ATP8A2: variants seen among roughly 807,000 people sequenced by gnomAD.
ATP8A2 encodes the protein ATPase phospholipid transporting 8A2.
In ATP8A2, 100 loss-of-function variants were observed where a neutral mutation model predicts 165.6. The observed-to-expected ratio is 0.60, with a 90% CI of 0.51 to 0.71. The LOEUF is 0.71. ATP8A2 is among the 30% of genes least tolerant of loss of function. The probability of loss-of-function intolerance (pLI) is 0.00; values close to 1 mark genes in which losing one functional copy is unlikely to be tolerated. For synonymous variants in ATP8A2, 543 were observed against 548.8 expected, an observed-to-expected ratio of 0.99 and a Z score of 0.15; for missense variants, 1,227 against 1,479.5, an observed-to-expected ratio of 0.83 and a Z score of 2.80.
At chr13:25,396,756 C>T (rs77278554) in intron 1 of ATP8A2, among the ~76,000 whole-genome samples, 2,473 of 152,302 alleles carry the variant, frequency 0.016, 79 homozygotes, top group African/African-American at 0.056. Flanking sequence ...AGCAAGTATG[C>T]ATTTCCTTTC....
chr13:25,972,522 G>A (rs563350342), intron 35 of ATP8A2, among the ~76,000 whole-genome samples: 3 of 152,126 alleles, frequency 2.0e-5, no homozygotes, highest in South Asian at 4.1e-4. Context: ...GTGTTTGTGC[G>A]CCTTATAGAC....
At chr13:25,784,733 A>T (rs1258952376) in intron 27 of ATP8A2, among the ~76,000 whole-genome samples, 2 of 152,068 alleles carry the variant, frequency 1.3e-5, no homozygotes, top group Non-Finnish European at 2.9e-5. Flanking sequence ...CATGCAGAGA[A>T]CTATACCCTT....
intron 25 of ATP8A2, among the ~76,000 whole-genome samples, chr13:25,730,199 G>T (rs1397736166): frequency 2.6e-5 from 4 of 152,164 alleles, no homozygotes; most frequent in African/African-American, 9.7e-5. Context: ...GCTCAGTTGG[G>T]AGGATTGCCT....
intron 33 of ATP8A2, among the ~76,000 whole-genome samples, chr13:25,933,896 AT>A (rs1954823988): frequency 6.6e-6 from 1 of 152,182 alleles, no homozygotes; most frequent in African/African-American, 2.4e-5. Context: ...AGAGGAATTT[AT>A]TGCCAAGATC....
intron 25 of ATP8A2, among the ~76,000 whole-genome samples, chr13:25,757,817 G>A (rs563623188): frequency 6.6e-6 from 1 of 152,052 alleles, no homozygotes; most frequent in African/African-American, 2.4e-5. Flanking sequence ...CTCCCCCTTT[G>A]GTACCCTCCC....
chr13:25,377,723 T>G (rs7321722), intron 1 of ATP8A2, among the ~76,000 whole-genome samples: 58,494 of 151,884 alleles, frequency 0.39, 11,499 homozygotes, highest in African/African-American at 0.43. Flanking sequence ...GTCTGTGAGG[T>G]GGAGGTTGTG....
In ATP8A2 at chr13:25,372,280, C is replaced by A. The variant is rs200068509; in HGVS notation, c.68C>A (p.Ser23Ter). The change falls in exon 1 of 37, where the codon TCG becomes TAG. Residue 23 changes from serine (S) to a stop codon, truncating the protein, a stop_gained. Coordinates refer to ENST00000381655, the MANE Select transcript of ATP8A2 (RefSeq NM_016529.6). LOFTEE classifies it high-confidence loss of function. The surrounding 1 kb of genome is among the most constrained non-coding windows in gnomAD (Gnocchi z 4.8). ...MSLPRRSRIR[S>*]SVGPVRSSLG... ...CTGCCGCGGAGGTCGAGGATCCGCT[C>A]GTCCGTGGGTGAGCTGGGAGGGGCG... 2.8e-6 allele frequency: 4 copies of A among 1,431,842 alleles called. No homozygotes were observed. Among genetic ancestry groups the A allele is most frequent in the Non-Finnish European group, 3.7e-6 (4 of 1,079,852 alleles). 88.7% of individuals were successfully genotyped at this position (1,431,842 alleles called of 1,614,324 possible).
chr13:25,436,696 G>A (rs747969410), intron 1 of ATP8A2, among the ~76,000 whole-genome samples: 1 of 152,102 alleles, frequency 6.6e-6, no homozygotes, highest in African/African-American at 2.4e-5. Context: ...GCTTTCCATA[G>A]TGGCTGAACT....
chr13:25,902,476 G>T (rs143463498), intron 33 of ATP8A2, among the ~76,000 whole-genome samples: 88 of 151,454 alleles, frequency 5.8e-4, no homozygotes, highest in African/African-American at 2.0e-3. Flanking sequence ...TAAATATTAT[G>T]TATCTGATAT....
chr13:25,896,491 G>A (rs1007999553), intron 33 of ATP8A2, among the ~76,000 whole-genome samples: 2 of 150,740 alleles, frequency 1.3e-5, no homozygotes, highest in African/African-American at 5.0e-5. Context: ...ATGTGGTGCT[G>A]AGAATAACGT....
intron 33 of ATP8A2, chr13:25,927,240 A>C (rs982654978): frequency 4.4e-6 from 2 of 456,762 alleles, no homozygotes; most frequent in Admixed American, 2.3e-5. Context: ...TGGAAACTGC[A>C]TCTGACAGAA....
At position 25,980,986 on chromosome 13, in the gene ATP8A2, A is replaced by G. The variant is rs906868002; in HGVS notation, c.3377+12307A>G. On this transcript the variant is annotated intron_variant, in intron 35 of 36. Transcript: ENST00000381655. ...GATATGTGTTCAAATTAAGACATTT[A>G]TTGTTCTAAAGTCAATTGGCGTTAG... Among the ~76,000 whole-genome samples the G allele has an allele frequency of 4.5e-4, 68 of 152,218 alleles. 1 individual carries two copies. The highest frequency in any genetic ancestry group is 1.6e-3 in the African/African-American group (66 of 41,452).
At chr13:25,553,010 T>C (rs1013604595) in intron 11 of ATP8A2, among the ~76,000 whole-genome samples, 1 of 152,116 alleles carries the variant, frequency 6.6e-6, no homozygotes, top group Non-Finnish European at 1.5e-5. Context: ...CCCAGCCTTC[T>C]GCTATCTTTA....
intron 2 of ATP8A2, among the ~76,000 whole-genome samples, chr13:25,477,853 C>T (rs2137562162): frequency 6.6e-6 from 1 of 152,296 alleles, no homozygotes; most frequent in East Asian, 1.9e-4. Context: ...TGGAGAATCG[C>T]TTGAACCCGG....
intron 2 of ATP8A2, among the ~76,000 whole-genome samples, chr13:25,494,845 C>A (rs1279107250): frequency 6.6e-6 from 1 of 152,098 alleles, no homozygotes; most frequent in Non-Finnish European, 1.5e-5. Context: ...GTGATGTCAG[C>A]AAAATCACAC....
chr13:25,492,279 C>T (rs2036550643), intron 2 of ATP8A2, among the ~76,000 whole-genome samples: 1 of 152,218 alleles, frequency 6.6e-6, no homozygotes, highest in Non-Finnish European at 1.5e-5. Flanking sequence ...TGTTCTTGAA[C>T]TCCTGACTTC....
At chr13:25,859,962 G>A (rs184219177) in intron 30 of ATP8A2, among the ~76,000 whole-genome samples, 8 of 149,424 alleles carry the variant, frequency 5.4e-5, no homozygotes, top group African/African-American at 1.2e-4. Context: ...CAGATCAAGC[G>A]TTTGGTTGGT....
intron 35 of ATP8A2, among the ~76,000 whole-genome samples, chr13:25,997,424 T>C (rs1956534425): frequency 6.6e-6 from 1 of 152,214 alleles, no homozygotes; most frequent in Non-Finnish European, 1.5e-5. Flanking sequence ...GTTGTGGATT[T>C]CTTTGAGTTT....
chr13:25,372,386 C>A lies in ATP8A2; in HGVS notation c.76+98C>A. 1 of 896,614 alleles carries A rather than the reference C, an allele frequency of 1.1e-6. No homozygotes were observed. The highest frequency in any genetic ancestry group is 1.5e-6 in the Non-Finnish European group (1 of 664,400). The allele number at this position is 896,614 out of a possible 1,614,324, so 55.5% of individuals were successfully genotyped here. On this transcript the variant is annotated intron_variant, in intron 1 of 36. Transcript: ENST00000381655. This position sits in a 1 kb window ranked among gnomAD's most constrained non-coding sequence, Gnocchi z 4.8. ...GCGACACTGCCCCGCCCGCGCCCCGCTCCCCTCCCTGGGCTCCCTGGGCTC... is the reference window on the plus strand; with the variant it reads ...GCGACACTGCCCCGCCCGCGCCCCGATCCCCTCCCTGGGCTCCCTGGGCTC...
Sources: gnomAD v4.1 joint callset for allele counts (sites outside exome capture counted in the v4.1 genomes callset) on GRCh38, gnomAD v4.1.1 for gene constraint, Gnocchi (gnomAD v3.1) non-coding constraint, MANE v1.5 for transcripts, NCBI Gene and HGNC (gene_info 2026-07-23, HGNC 2026-07-21) for gene names.